CRYBG1: variants seen among roughly 807,000 people sequenced by gnomAD.
CRYBG1 encodes crystallin beta-gamma domain containing 1, also known as beta/gamma crystallin domain-containing protein 1.
In CRYBG1, 139 loss-of-function variants were observed where a neutral mutation model predicts 189.2. The ratio of observed to expected loss-of-function variants is 0.73; its 90% CI spans 0.64 to 0.85. The LOEUF (loss-of-function observed/expected upper bound fraction) is 0.85, where lower values mean the gene tolerates loss of function less well. CRYBG1 is among the 40% of genes least tolerant of loss of function. The probability of loss-of-function intolerance (pLI) is 0.00; values close to 1 mark genes in which losing one functional copy is unlikely to be tolerated. For synonymous variants in CRYBG1, 1,023 were observed against 1,017.1 expected (o/e 1.01, Z -0.11); for missense variants, 2,611 against 2,675.8 (o/e 0.98, Z 0.53).
At chr6:106,562,708 T>A (rs780298803) in intron 20 of CRYBG1, among the ~76,000 whole-genome samples, 4 of 152,210 alleles carry the variant, frequency 2.6e-5, no homozygotes, top group Admixed American at 2.6e-4. Flanking sequence ...AGGATGGTCT[T>A]GATCTCCTGA....
intron 1 of CRYBG1, among the ~76,000 whole-genome samples, chr6:106,435,899 A>C (rs76520206): frequency 0.011 from 1,744 of 152,298 alleles, 25 homozygotes; most frequent in African/African-American, 0.04. Flanking sequence ...CGTGTCTTGG[A>C]AACCATCCAA....
chr6:106,562,519 G>A (rs1212484420), intron 20 of CRYBG1, among the ~76,000 whole-genome samples: 1 of 152,152 alleles, frequency 6.6e-6, no homozygotes, highest in Non-Finnish European at 1.5e-5. Context: ...ACGGGGTCTT[G>A]CTCTGTCACC....
chr6:106,504,636 T>G (rs898157076), intron 2 of CRYBG1, among the ~76,000 whole-genome samples: 6 of 152,202 alleles, frequency 3.9e-5, no homozygotes, highest in African/African-American at 1.4e-4. Context: ...TTCTTTTTGC[T>G]GTGCGTGTGT....
At chr6:106,431,109 G>A (rs200524779) in intron 1 of CRYBG1, among the ~76,000 whole-genome samples, 4 of 151,970 alleles carry the variant, frequency 2.6e-5, no homozygotes, top group African/African-American at 7.3e-5. Context: ...TGATCCACCC[G>A]CCTCAGCCTC....
At chr6:106,386,917 T>C (rs1279434973) in intron 1 of CRYBG1, among the ~76,000 whole-genome samples, 3 of 152,248 alleles carry the variant, frequency 2.0e-5, no homozygotes, top group African/African-American at 7.2e-5. Flanking sequence ...TGAGACAGGG[T>C]TGATTTGGAA....
intron 1 of CRYBG1, among the ~76,000 whole-genome samples, chr6:106,378,420 C>T (rs1247102066): frequency 2.0e-5 from 3 of 152,216 alleles, no homozygotes; most frequent in East Asian, 1.9e-4. Flanking sequence ...GCTCAGGGCT[C>T]GGTCCTCGGC....
chr6:106,420,120 T>C (rs1204013461), intron 1 of CRYBG1, among the ~76,000 whole-genome samples: 1 of 152,220 alleles, frequency 6.6e-6, no homozygotes, highest in Non-Finnish European at 1.5e-5. Flanking sequence ...TATTGAAGTA[T>C]AAACTGAAAA....
intron 1 of CRYBG1, among the ~76,000 whole-genome samples, chr6:106,400,539 A>G (rs745607513): frequency 6.6e-6 from 1 of 152,226 alleles, no homozygotes; most frequent in South Asian, 2.1e-4. Context: ...TGTAAGTGTT[A>G]TGGAAAGATT....
chr6:106,440,216 A>G (rs757810724), intron 1 of CRYBG1, among the ~76,000 whole-genome samples: 3 of 146,576 alleles, frequency 2.0e-5, no homozygotes, highest in Non-Finnish European at 3.0e-5. Context: ...GCACATCCTC[A>G]CCTTATTTGA....
chr6:106,465,784 C>CAAATA (rs1772103459), intron 2 of CRYBG1, among the ~76,000 whole-genome samples: 2 of 152,172 alleles, frequency 1.3e-5, no homozygotes, highest in South Asian at 4.1e-4. Flanking sequence ...CCTGCCCTCT[C>CAAATA]AAATACAGGT....
chr6:106,503,756 G>T (rs562061300), intron 2 of CRYBG1, among the ~76,000 whole-genome samples: 1 of 152,074 alleles, frequency 6.6e-6, no homozygotes, highest in East Asian at 1.9e-4. Context: ...GTTTCACTTT[G>T]TCTCTGTCAA....
chr6:106,525,816 A>G (rs891272758), intron 6 of CRYBG1, among the ~76,000 whole-genome samples: 2 of 121,804 alleles, frequency 1.6e-5, no homozygotes, highest in Non-Finnish European at 4.0e-5. Context: ...AAGTAAAGAA[A>G]CAATAAGGAA....
intron 2 of CRYBG1, among the ~76,000 whole-genome samples, chr6:106,498,322 A>C (rs1772900823): frequency 6.6e-6 from 1 of 152,188 alleles, no homozygotes; most frequent in South Asian, 2.1e-4. Flanking sequence ...AAGAAATAGA[A>C]TATTGCTGCC....
chr6:106,391,474 T>A (rs1168183266), intron 1 of CRYBG1, among the ~76,000 whole-genome samples: 2 of 152,346 alleles, frequency 1.3e-5, no homozygotes, highest in South Asian at 4.1e-4. Flanking sequence ...TGACTAATGA[T>A]GTTGGACAAC....
chr6:106,544,733 CT>C, intron 12 of CRYBG1, 36 bp downstream of exon 12: 1 of 1,607,242 alleles, frequency 6.2e-7, no homozygotes, highest in Non-Finnish European at 8.5e-7. Flanking sequence ...AATACTTGGT[CT>C]TCTTTGGATA....
At chr6:106,456,319 A>ATTT (rs34545384) in intron 2 of CRYBG1, among the ~76,000 whole-genome samples, 135 of 142,456 alleles carry the variant, frequency 9.5e-4, no homozygotes, top group African/African-American at 1.9e-3. Flanking sequence ...ATGCCCAGCT[A>ATTT]TTTTTTTTTT....
At chr6:106,525,510 C>T (rs1773719641) in intron 6 of CRYBG1, 124 bp downstream of exon 6, 1 of 752,368 alleles carries the variant, frequency 1.3e-6, no homozygotes, top group Non-Finnish European at 2.4e-6. Flanking sequence ...GGAAATACTA[C>T]TCGTGGTAAG....
intron 3 of CRYBG1, among the ~76,000 whole-genome samples, chr6:106,513,331 A>G (rs1773343925): frequency 6.6e-6 from 1 of 152,222 alleles, no homozygotes. Flanking sequence ...ATAAGACCTC[A>G]TGGCCTGACA....
chr6:106,561,607 C>T, intron 20 of CRYBG1, 107 bp downstream of exon 20: 2 of 1,318,184 alleles, frequency 1.5e-6, no homozygotes, highest in Admixed American at 4.8e-5. Context: ...TTCACAATTC[C>T]TGGAGTACTT....
Sources: allele counts gnomAD v4.1 joint callset (sites outside exome capture counted in the v4.1 genomes callset), GRCh38; gene constraint gnomAD v4.1.1; transcripts MANE v1.5; gene names NCBI Gene and HGNC (gene_info 2026-07-23, HGNC 2026-07-21).